CYFIP1: variants seen among roughly 807,000 people sequenced by gnomAD.
The protein encoded by CYFIP1 is cytoplasmic FMR1 interacting protein 1.
A neutral mutation model predicts 163.5 loss-of-function variants in CYFIP1; 58 were observed. The ratio of observed to expected loss-of-function variants is 0.35; its 90% CI spans 0.29 to 0.44. The LOEUF (loss-of-function observed/expected upper bound fraction) is 0.44. CYFIP1 is among the 20% of genes least tolerant of loss of function. The pLI is 1.00. For missense variants in CYFIP1, 1,338 were observed against 1,653.8 expected, an observed-to-expected ratio of 0.81 and a Z score of 3.31; for synonymous variants, 663 against 660.7, an observed-to-expected ratio of 1.00 and a Z score of -0.05.
chr15:22,935,182 C>G (rs2061674578), intron 9 of CYFIP1, among the ~76,000 whole-genome samples: 1 of 152,182 alleles, frequency 6.6e-6, no homozygotes, highest in African/African-American at 2.4e-5. Flanking sequence ...GGAAGACACA[C>G]CCTTCCAGAT....
intron 12 of CYFIP1, among the ~76,000 whole-genome samples, chr15:22,926,368 T>C (rs2061357761): frequency 6.6e-6 from 1 of 152,160 alleles, no homozygotes; most frequent in African/African-American, 2.4e-5. Context: ...TGGCATTTCA[T>C]CATCATTTTA....
At chr15:22,947,402 C>A in intron 1 of CYFIP1, 111 bp from the exon 2 acceptor site, 3 of 1,437,308 alleles carry the variant, frequency 2.1e-6, no homozygotes, top group Non-Finnish European at 2.8e-6. Context: ...CCCGAGGGCA[C>A]CGGACATGGC....
rs549531337 is a variant in CYFIP1, at chr15:22,951,273, A to G, written c.-6-3982T>C. ...CCCGACCGCAGCCGGTCACTGCTGC[A>G]TGTTCCTCACTAGAAATCTACATGT... On this transcript the variant is annotated intron_variant, in intron 1 of 30. Coordinates refer to ENST00000617928, the MANE Select transcript of CYFIP1 (RefSeq NM_014608.6). 77 of 1,093,510 alleles carry G rather than the reference A, an allele frequency of 7.0e-5. No individual in the cohort carries two copies. The South Asian group carries it at 1.4e-3, about 20-fold the overall frequency. 67.7% of individuals were successfully genotyped at this position (1,093,510 alleles called of 1,614,324 possible).
intron 25 of CYFIP1, 69 bp downstream of exon 25, chr15:22,881,777 A>T: frequency 6.8e-7 from 1 of 1,460,348 alleles, no homozygotes; most frequent in Non-Finnish European, 9.4e-7. Context: ...CTTCTCAAGA[A>T]TTTCTGACTT....
chr15:22,978,552 T>C (rs1304188445), intron 1 of CYFIP1, among the ~76,000 whole-genome samples: 1 of 152,070 alleles, frequency 6.6e-6, no homozygotes, highest in Non-Finnish European at 1.5e-5. Flanking sequence ...AAAAATTACT[T>C]ATGCACAGAA....
In CYFIP1 at chr15:22,931,368, G is replaced by A. The variant is rs569740426; in HGVS notation, c.1110+855C>T. Among the ~76,000 whole-genome samples, 4 of 152,220 alleles carry A rather than the reference G, an allele frequency of 2.6e-5. No individual in the cohort carries two copies. In the South Asian group the frequency reaches 8.3e-4, roughly 32 times the overall value. ...ACATGGCAAACCCAGCTGCAAAGCT[G>A]GAAGGAACTAAAGAGAAAGCACCTG... On this transcript the variant is annotated intron_variant, in intron 11 of 30. Transcript: ENST00000617928.
At chr15:22,947,936 G>A (rs1032202229) in intron 1 of CYFIP1, 10 of 985,358 alleles carry the variant, frequency 1.0e-5, no homozygotes, top group Non-Finnish European at 1.2e-5. Context: ...CAGGGAGAGG[G>A]GGCAATCTGC....
chr15:22,909,900 C>CT (rs1191717772), intron 20 of CYFIP1, among the ~76,000 whole-genome samples: 9 of 152,198 alleles, frequency 5.9e-5, no homozygotes, highest in Admixed American at 3.3e-4. Flanking sequence ...CTCTGATACT[C>CT]TGAGCTGATG....
intron 22 of CYFIP1, among the ~76,000 whole-genome samples, chr15:22,899,425 C>G (rs73410360): frequency 0.016 from 2,459 of 152,264 alleles, 65 homozygotes; most frequent in African/African-American, 0.057. Context: ...ATAATTCCCA[C>G]GTCTCATGAG....
At position 22,932,280 on chromosome 15, in the gene CYFIP1, C is replaced by G. The variant is rs374735007; in HGVS notation, c.1053G>C (p.Gln351His). 2 of 1,613,244 alleles carry G rather than the reference C, an allele frequency of 1.2e-6. No individual in the cohort carries two copies. Among genetic ancestry groups the G allele is most frequent in the Non-Finnish European group, 1.7e-6 (2 of 1,179,680 alleles). Residue 351 changes from glutamine to histidine, a missense_variant, in exon 11 of 31, where the codon CAG (glutamine) becomes CAC (histidine). Gln to His is a conservative substitution (Grantham distance 24, BLOSUM62 0). Around this residue, in one of 4 missense-constraint regions of CYFIP1, gnomAD observed 824 missense variants for 995.7 expected, o/e 0.83. Coordinates refer to ENST00000617928, the MANE Select transcript of CYFIP1 (RefSeq NM_014608.6). Reference protein sequence around the residue: ...PQYNICEQMIQIREDHMRFIS... With the variant: ...PQYNICEQMIHIREDHMRFIS... Reference sequence around the variant, plus strand: ...TGAAGCGCATGTGGTCCTCGCGGATCTGGATCATCTGCTCGCAGATGTTGT... The same window carrying G: ...TGAAGCGCATGTGGTCCTCGCGGATGTGGATCATCTGCTCGCAGATGTTGT...
intron 1 of CYFIP1, among the ~76,000 whole-genome samples, chr15:22,966,062 G>C (rs1009468851): frequency 6.6e-6 from 1 of 152,042 alleles, no homozygotes; most frequent in Non-Finnish European, 1.5e-5. Flanking sequence ...AAGACAAGGA[G>C]ATTAGGTCGG....
At chr15:22,967,437 A>G (rs12439364) in intron 1 of CYFIP1, among the ~76,000 whole-genome samples, 78,636 of 151,922 alleles carry the variant, frequency 0.52, 20,911 homozygotes, top group African/African-American at 0.63. Context: ...GGCTAAGTCT[A>G]CAGGAGTGCG....
chr15:22,882,151 C>T (rs2059784906), intron 24 of CYFIP1, among the ~76,000 whole-genome samples: 1 of 152,208 alleles, frequency 6.6e-6, no homozygotes, highest in Non-Finnish European at 1.5e-5. Flanking sequence ...TGAAACTGGA[C>T]TCCTCTTTCA....
At chr15:22,908,821 G>A (rs796159939) in intron 21 of CYFIP1, among the ~76,000 whole-genome samples, 5 of 152,224 alleles carry the variant, frequency 3.3e-5, no homozygotes, top group African/African-American at 1.2e-4. Flanking sequence ...GAGCCACCGT[G>A]CCAGCCAAAG....
intron 26 of CYFIP1, among the ~76,000 whole-genome samples, chr15:22,876,336 CCT>C (rs2059584197): frequency 2.0e-5 from 3 of 152,018 alleles, no homozygotes; most frequent in Admixed American, 2.0e-4. Context: ...CTTCTCTTTC[CCT>C]GTTTCTAATG....
intron 6 of CYFIP1, among the ~76,000 whole-genome samples, chr15:22,942,972 C>A (rs1056404436): frequency 2.0e-5 from 3 of 152,226 alleles, no homozygotes; most frequent in Non-Finnish European, 4.4e-5. Flanking sequence ...CTGTGCAAAG[C>A]CACGATATGC....
chr15:22,895,343 G>A (rs991470076), intron 22 of CYFIP1, among the ~76,000 whole-genome samples: 1 of 152,140 alleles, frequency 6.6e-6, no homozygotes, highest in African/African-American at 2.4e-5. Flanking sequence ...TAGAGACAGG[G>A]TCTTGCCACG....
chr15:22,917,029 G>A lies in CYFIP1; in HGVS notation c.1675-399C>T. On this transcript the variant is annotated intron_variant, in intron 15 of 30. Coordinates refer to ENST00000617928, the MANE Select transcript of CYFIP1 (RefSeq NM_014608.6). This position sits in a 1 kb window ranked among gnomAD's most constrained non-coding sequence, Gnocchi z 4.2. ...TCGGCCATGGTGCGCACCAGGTAGA[G>A]CTAGACACGGACAGACAGGAGGGAG... is the stretch of plus-strand genomic sequence containing the variant. 1.3e-6 allele frequency: 2 copies of A among 1,540,454 alleles called. No homozygotes were observed. Among genetic ancestry groups the A allele is most frequent in the Middle Eastern group, 1.7e-4 (1 of 5,786 alleles).
chr15:22,975,911 T>C (rs2063259074), intron 1 of CYFIP1, among the ~76,000 whole-genome samples: 1 of 152,152 alleles, frequency 6.6e-6, no homozygotes, highest in Non-Finnish European at 1.5e-5. Context: ...GTTTAAAATT[T>C]TTGTTTTTAA....
Sources: allele counts gnomAD v4.1 joint callset (sites outside exome capture counted in the v4.1 genomes callset), GRCh38; gene constraint gnomAD v4.1.1; regional missense constraint gnomAD v4.1.1; non-coding constraint Gnocchi (gnomAD v3.1); transcripts MANE v1.5; gene names NCBI Gene and HGNC (gene_info 2026-07-23, HGNC 2026-07-21).